BRD8: variants seen among roughly 807,000 people sequenced by gnomAD.
BRD8 encodes the protein bromodomain-containing protein 8.
BRD8 carries 67 observed loss-of-function variants against 143.1 expected under a neutral mutation model. The observed-to-expected ratio is 0.47, with a 90% CI of 0.38 to 0.57. The LOEUF (loss-of-function observed/expected upper bound fraction) is 0.57, where lower values mean the gene tolerates loss of function less well. Among genes scored for constraint, BRD8 ranks in the 20% least tolerant of loss-of-function variants. The pLI is 0.00. For missense variants in BRD8, 1,103 were observed against 1,503.0 expected, an observed-to-expected ratio of 0.73 and a Z score of 4.40; for synonymous variants, 505 against 517.1, an observed-to-expected ratio of 0.98 and a Z score of 0.32.
intron 14 of BRD8, chr5:138,163,669 T>C (rs1561610478): frequency 2.9e-6 from 4 of 1,361,596 alleles, no homozygotes; most frequent in Non-Finnish European, 3.9e-6. Flanking sequence ...TCAAAAATAA[T>C]TTTTATTTTG....
intron 25 of BRD8, among the ~76,000 whole-genome samples, chr5:138,144,433 C>G (rs1178908856): frequency 2.0e-5 from 3 of 152,180 alleles, no homozygotes; most frequent in Non-Finnish European, 1.5e-5. Flanking sequence ...AAGAACCCAC[C>G]GGAAGGAACC....
chr5:138,146,969 CAAAAAAAAA>C (rs60597015), intron 23 of BRD8, among the ~76,000 whole-genome samples: 1 of 49,050 alleles, frequency 2.0e-5, no homozygotes, highest in Non-Finnish European at 4.4e-5. Context: ...AACTCCGTCT[CAAAAAAAAA>C]AAAAAAAAAA....
At position 138,150,849 on chromosome 5, in the gene BRD8, G is replaced by A. The variant is rs1752347391; in HGVS notation, c.3016C>T (p.Pro1006Ser). ...CCCAGTGGCTTTTCAGCTACTAAGG[G>A]GTCTCCTTTAGCTGAAAGCTCTTCA... ...ETEELSAKGDPLVAEKPLGEN... is the reference protein window; with the variant it reads ...ETEELSAKGDSLVAEKPLGEN... The change falls in exon 22 of 27, where the codon CCC becomes TCC. Residue 1006 changes from proline to serine, a missense_variant. Coordinates refer to ENST00000254900, the MANE Select transcript of BRD8 (RefSeq NM_139199.2). The A allele has an allele frequency of 1.9e-6, 3 of 1,614,130 alleles. No homozygotes were observed. The highest frequency in any genetic ancestry group is 2.5e-6 in the Non-Finnish European group (3 of 1,180,032).
intron 21 of BRD8, among the ~76,000 whole-genome samples, chr5:138,151,769 T>C (rs1360888494): frequency 1.3e-5 from 2 of 152,228 alleles, no homozygotes; most frequent in Non-Finnish European, 2.9e-5. Flanking sequence ...GTTCAAGCGA[T>C]TCTCCTGCCT....
intron 7 of BRD8, among the ~76,000 whole-genome samples, chr5:138,169,814 C>T (rs981296465): frequency 2.6e-5 from 4 of 152,116 alleles, no homozygotes; most frequent in African/African-American, 9.7e-5. Flanking sequence ...CAAAAATTAG[C>T]TAGGTGTGGT....
intron 17 of BRD8, chr5:138,161,270 G>C (rs1752976884): frequency 4.4e-6 from 2 of 455,780 alleles, no homozygotes; most frequent in African/African-American, 2.0e-5. Flanking sequence ...GTAATAAAGG[G>C]AGTTTATTTA....
In BRD8 at chr5:138,160,998, G is replaced by A. The variant is rs1181857472; in HGVS notation, c.2320C>T (p.Arg774Cys). 3 of 1,613,612 alleles carry A rather than the reference G, an allele frequency of 1.9e-6. No homozygotes were observed. Among genetic ancestry groups the A allele is most frequent in the Non-Finnish European group, 1.7e-6 (2 of 1,179,894 alleles). Reference sequence around the variant, plus strand: ...TTCTGAAACATCAGCATAATGTCACGCTGAAATTCAGCTGTGCTTCGGATC... The same window carrying A: ...TTCTGAAACATCAGCATAATGTCACACTGAAATTCAGCTGTGCTTCGGATC... ...GLIRSTAEFQ[R>C]DIMLMFQNAV... The change falls in exon 18 of 27, where the codon CGT becomes TGT. Residue 774 changes from arginine to cysteine, a missense_variant. Transcript: ENST00000254900.
chr5:138,144,918 A>AATATATATAT (rs71583301), intron 25 of BRD8, among the ~76,000 whole-genome samples: 4 of 89,830 alleles, frequency 4.5e-5, no homozygotes, highest in Admixed American at 1.5e-4. Flanking sequence ...AAAAAAAAAA[A>AATATATATAT]ATATATATAT....
chr5:138,147,949 T>A (rs1421936865), intron 23 of BRD8, among the ~76,000 whole-genome samples: 3 of 150,868 alleles, frequency 2.0e-5, no homozygotes, highest in African/African-American at 7.3e-5. Flanking sequence ...AAAAAAAAAA[T>A]TAATATTTTT....
At chr5:138,170,432 G>A (rs1179937826) in intron 6 of BRD8, 23 bp from the exon 7 acceptor site, 2 of 1,613,458 alleles carry the variant, frequency 1.2e-6, no homozygotes, top group African/African-American at 2.7e-5. Flanking sequence ...TTAAGGGTTA[G>A]ATGCTAGACA....
intron 24 of BRD8, 99 bp from the exon 25 acceptor site, chr5:138,145,344 G>T: frequency 9.9e-7 from 1 of 1,005,664 alleles, no homozygotes; most frequent in Non-Finnish European, 1.5e-6. Flanking sequence ...TTAGGGGAAT[G>T]CAGACTGTCA....
intron 8 of BRD8, chr5:138,168,326 T>A (rs1011125954): frequency 4.2e-5 from 30 of 710,162 alleles, no homozygotes; most frequent in Non-Finnish European, 5.8e-5. Flanking sequence ...ATCAACTTAC[T>A]GTATTTTTAA....
In BRD8 at chr5:138,150,909, C is replaced by T. The variant is rs1416703034; in HGVS notation, c.2956G>A (p.Ala986Thr). 6.2e-7 allele frequency: 1 copy of T among 1,614,214 alleles called. No homozygotes were observed. The highest frequency in any genetic ancestry group is 1.7e-5 in the Admixed American group (1 of 60,026). ...CAGAGCTCCCTTTCTCCTTCGCTAGCTTTAATTTCCCTTCCTTCTTGTCTG... is the reference window on the plus strand; with the variant it reads ...CAGAGCTCCCTTTCTCCTTCGCTAGTTTTAATTTCCCTTCCTTCTTGTCTG... ...GTRQEGREIK[A>T]SEGERELCRE... is the part of the protein sequence containing the mutation. The change falls in exon 22 of 27, where the codon GCT becomes ACT. Residue 986 changes from alanine to threonine, a missense_variant. This residue lies in a region of BRD8 where 369 missense variants were observed against 445.5 expected (regional missense o/e 0.83). Coordinates refer to ENST00000254900, the MANE Select transcript of BRD8 (RefSeq NM_139199.2).
intron 25 of BRD8, among the ~76,000 whole-genome samples, chr5:138,143,639 A>T (rs1752006940): frequency 1.3e-5 from 1 of 79,696 alleles, no homozygotes; most frequent in South Asian, 6.0e-4. Context: ...TTGTAAACAC[A>T]CCAATCAGCA....
chr5:138,155,877 G>C (rs1269421907), intron 20 of BRD8, among the ~76,000 whole-genome samples: 1 of 150,196 alleles, frequency 6.7e-6, no homozygotes, highest in African/African-American at 2.5e-5. Flanking sequence ...GCAATGTTAA[G>C]AACTATATTT....
At chr5:138,177,374 T>C in intron 2 of BRD8, 197 bp downstream of exon 2, 2 of 350,324 alleles carry the variant, frequency 5.7e-6, no homozygotes, top group East Asian at 1.0e-4. Context: ...TACTAAAAAA[T>C]ACAAAAATTA....
intron 2 of BRD8, among the ~76,000 whole-genome samples, chr5:138,176,602 T>G (rs1754355865): frequency 6.6e-6 from 1 of 152,000 alleles, no homozygotes; most frequent in South Asian, 2.1e-4. Flanking sequence ...AGAAAGTAGA[T>G]GAGTGCTTGC....
intron 10 of BRD8, 89 bp from the exon 11 acceptor site, chr5:138,166,197 C>T (rs994416762): frequency 2.3e-6 from 2 of 888,362 alleles, no homozygotes; most frequent in Admixed American, 4.4e-5. Flanking sequence ...AGACAGATGT[C>T]AAATATCCAA....
At chr5:138,163,761 C>A in intron 14 of BRD8, 1 of 727,644 alleles carries the variant, frequency 1.4e-6, no homozygotes, top group South Asian at 1.7e-5. Context: ...AAAGAAAACT[C>A]TGGATGATTC....
Sources: allele counts gnomAD v4.1 joint callset (sites outside exome capture counted in the v4.1 genomes callset), GRCh38; gene constraint gnomAD v4.1.1; regional missense constraint gnomAD v4.1.1; transcripts MANE v1.5; gene names NCBI Gene and HGNC (gene_info 2026-07-23, HGNC 2026-07-21).